The following TBC1D5 variants were observed in gnomAD, a reference collection of about 807,000 sequenced individuals.
TBC1D5 encodes TBC1 domain family, member 5.
TBC1D5 carries 75 observed loss-of-function variants against 100.3 expected under a neutral mutation model. The ratio of observed to expected loss-of-function variants is 0.75; its 90% CI spans 0.62 to 0.91. TBC1D5 has a LOEUF of 0.91. Ranked by LOEUF, TBC1D5 falls within the 40% of genes least tolerant of loss-of-function variation. The pLI, the probability that TBC1D5 is intolerant of heterozygous loss-of-function variation, is 0.00. For synonymous variants in TBC1D5, 323 were observed against 325.6 expected (o/e 0.99, Z 0.09); for missense variants, 910 against 942.4 (o/e 0.97, Z 0.45).
At chr3:17,361,444 T>C (rs897787045) in intron 13 of TBC1D5, among the ~76,000 whole-genome samples, 6 of 151,874 alleles carry the variant, frequency 4.0e-5, no homozygotes, top group African/African-American at 1.4e-4. Context: ...TTATAGAACA[T>C]TCCATTCAAC....
At chr3:17,460,383 T>C (rs2095179915) in intron 3 of TBC1D5, among the ~76,000 whole-genome samples, 2 of 152,232 alleles carry the variant, frequency 1.3e-5, no homozygotes, top group South Asian at 4.1e-4. Flanking sequence ...GAGAACGTTA[T>C]GGCTTTCTAA....
At chr3:17,563,932 G>A (rs1269869309) in intron 2 of TBC1D5, among the ~76,000 whole-genome samples, 6 of 152,194 alleles carry the variant, frequency 3.9e-5, no homozygotes, top group East Asian at 1.9e-4. Flanking sequence ...ACAAGCGCCC[G>A]CCACCATGCC....
At chr3:17,705,580 C>T (rs2074019436) in intron 1 of TBC1D5, among the ~76,000 whole-genome samples, 1 of 136,000 alleles carries the variant, frequency 7.4e-6, no homozygotes, top group Non-Finnish European at 1.6e-5. Flanking sequence ...GGGTCTCGGC[C>T]GGGCAGAGGC....
chr3:17,463,943 C>CTTTTTTTTTTTTTTTTTTTT (rs1025162858), intron 3 of TBC1D5, among the ~76,000 whole-genome samples: 4 of 87,512 alleles, frequency 4.6e-5, no homozygotes, highest in African/African-American at 1.4e-4. Flanking sequence ...TTCCTTATTC[C>CTTTTTTTTTTTTTTTTTTTT]TTTTTTTTTT....
intron 2 of TBC1D5, among the ~76,000 whole-genome samples, chr3:17,579,179 C>T (rs1297468554): frequency 1.3e-5 from 2 of 151,724 alleles, no homozygotes; most frequent in South Asian, 2.1e-4. Context: ...TTTTTTAATT[C>T]CCTTTAAATG....
At chr3:17,302,590 G>T (rs548904467) in intron 14 of TBC1D5, among the ~76,000 whole-genome samples, 10 of 152,200 alleles carry the variant, frequency 6.6e-5, no homozygotes, top group Admixed American at 5.9e-4. Flanking sequence ...GTTCCTTTGA[G>T]AAACTGATGA....
intron 2 of TBC1D5, among the ~76,000 whole-genome samples, chr3:17,538,365 G>A (rs1026762227): frequency 6.6e-6 from 1 of 152,092 alleles, no homozygotes. Flanking sequence ...CTTCCAATGG[G>A]AACGCTCGAC....
intron 4 of TBC1D5, among the ~76,000 whole-genome samples, chr3:17,415,071 T>G (rs988370491): frequency 6.6e-5 from 10 of 152,210 alleles, no homozygotes; most frequent in African/African-American, 1.9e-4. Flanking sequence ...ACCTTGAGCC[T>G]TCACCTTAGT....
chr3:17,555,993 T>C (rs934284825), intron 2 of TBC1D5, among the ~76,000 whole-genome samples: 1 of 152,150 alleles, frequency 6.6e-6, no homozygotes, highest in Non-Finnish European at 1.5e-5. Flanking sequence ...TTGGTTTACA[T>C]CTCTAACCAC....
intron 1 of TBC1D5, among the ~76,000 whole-genome samples, chr3:17,648,277 T>C (rs761775429): frequency 6.6e-5 from 10 of 152,100 alleles, no homozygotes; most frequent in African/African-American, 1.7e-4. Context: ...TAGCCATATA[T>C]AGATGATTGA....
chr3:17,644,649 A>C (rs1298488552), intron 1 of TBC1D5, among the ~76,000 whole-genome samples: 2 of 152,172 alleles, frequency 1.3e-5, no homozygotes, highest in African/African-American at 4.8e-5. Flanking sequence ...GAAAGATATT[A>C]AAATGACTCA....
At chr3:17,226,035 A>C (rs73032759) in intron 17 of TBC1D5, among the ~76,000 whole-genome samples, 1 of 151,890 alleles carries the variant, frequency 6.6e-6, no homozygotes, top group Non-Finnish European at 1.5e-5. Context: ...CCCCACAGAT[A>C]CTGAGGGACA....
chr3:17,658,562 G>A (rs2066331649), intron 1 of TBC1D5, among the ~76,000 whole-genome samples: 1 of 152,186 alleles, frequency 6.6e-6, no homozygotes, highest in African/African-American at 2.4e-5. Flanking sequence ...TCCCAGCCAA[G>A]GAAAAGGCAA....
intron 13 of TBC1D5, among the ~76,000 whole-genome samples, chr3:17,321,328 T>C (rs979860671): frequency 1.3e-5 from 2 of 152,262 alleles, no homozygotes; most frequent in Non-Finnish European, 2.9e-5. Context: ...ATTACAGGTG[T>C]ATGCCACTAG....
chr3:17,608,013 C>T (rs1189404655), intron 2 of TBC1D5, among the ~76,000 whole-genome samples: 1 of 152,168 alleles, frequency 6.6e-6, no homozygotes, highest in Non-Finnish European at 1.5e-5. Flanking sequence ...AAACATAATA[C>T]ACAATGGTGA....
At chr3:17,609,859 A>T (rs2153614641) in intron 2 of TBC1D5, among the ~76,000 whole-genome samples, 1 of 152,204 alleles carries the variant, frequency 6.6e-6, no homozygotes, top group Middle Eastern at 3.4e-3. Context: ...CCCACTCACC[A>T]CTTCCAATCA....
intron 1 of TBC1D5, among the ~76,000 whole-genome samples, chr3:17,675,283 T>C (rs1347791609): frequency 2.6e-5 from 4 of 152,104 alleles, no homozygotes; most frequent in Non-Finnish European, 1.5e-5. Context: ...ATCAATCCTT[T>C]CTGTCTTTAT....
intron 21 of TBC1D5, 72 bp downstream of exon 22, chr3:17,166,695 C>T (rs2066635025): frequency 6.5e-7 from 1 of 1,543,522 alleles, no homozygotes; most frequent in Admixed American, 2.1e-5. Flanking sequence ...AGGGTGTATT[C>T]TTAACTTTGA....
chr3:17,610,387 A>AT (rs1057344280), intron 2 of TBC1D5, among the ~76,000 whole-genome samples: 1 of 152,152 alleles, frequency 6.6e-6, no homozygotes, highest in Admixed American at 6.5e-5. Context: ...GGGTTTCACC[A>AT]TGCTGACCAG....
Sources: gnomAD v4.1 joint callset for allele counts (sites outside exome capture counted in the v4.1 genomes callset) on GRCh38, gnomAD v4.1.1 for gene constraint, MANE v1.5 for transcripts, NCBI Gene and HGNC (gene_info 2026-07-23, HGNC 2026-07-21) for gene names.